PRKCE: variants seen among roughly 807,000 people sequenced by gnomAD.
PRKCE encodes the protein protein kinase C epsilon type.
Under a neutral mutation model 85.4 loss-of-function variants are expected in PRKCE, and 16 were observed. That is an observed-to-expected ratio of 0.19 (90% confidence interval 0.13 to 0.28). PRKCE has a LOEUF of 0.28. Among genes scored for constraint, PRKCE ranks in the 10% least tolerant of loss-of-function variants. The pLI is 1.00. For synonymous variants in PRKCE, 388 were observed against 371.5 expected (o/e 1.04, Z -0.51); for missense variants, 573 against 975.2 (o/e 0.59, Z 5.49).
chr2:46,122,561 A>T (rs1248727639), intron 11 of PRKCE, among the ~76,000 whole-genome samples: 1 of 152,164 alleles, frequency 6.6e-6, no homozygotes, highest in Non-Finnish European at 1.5e-5. Flanking sequence ...GACCTTAGTG[A>T]TGAAATATGT....
At chr2:45,948,694 T>G (rs1366220789) in intron 2 of PRKCE, among the ~76,000 whole-genome samples, 1 of 152,186 alleles carries the variant, frequency 6.6e-6, no homozygotes, top group East Asian at 1.9e-4. Context: ...TCAGAGTCAG[T>G]TCAAGTCTCC....
intron 1 of PRKCE, among the ~76,000 whole-genome samples, chr2:45,729,501 T>G (rs1387430720): frequency 6.6e-6 from 1 of 152,212 alleles, no homozygotes; most frequent in African/African-American, 2.4e-5. Context: ...TTCATTACTT[T>G]CCGATTCCTT....
At chr2:45,677,988 A>G (rs761041844) in intron 1 of PRKCE, 43 of 779,092 alleles carry the variant, frequency 5.5e-5, no homozygotes, top group Middle Eastern at 6.5e-4. Context: ...TTGATTTTAC[A>G]TGGAGCTGAG....
chr2:45,690,486 A>C (rs1023852274), intron 1 of PRKCE, among the ~76,000 whole-genome samples: 3 of 152,186 alleles, frequency 2.0e-5, no homozygotes, highest in Non-Finnish European at 4.4e-5. Context: ...GGCCTCTTGC[A>C]TTGTCAATTT....
At position 45,697,239 on chromosome 2, in the gene PRKCE, G is replaced by A. The variant is rs1216014440; in HGVS notation, c.348+44791G>A. On this transcript the variant is annotated intron_variant, in intron 1 of 14. Transcript: ENST00000306156. This position sits in a 1 kb window ranked among gnomAD's most constrained non-coding sequence, Gnocchi z 4.2. Reference sequence around the variant, plus strand: ...CTGGGAGGGCCTGTGTAGGTGAAGAGGGGGCGCACCCCACTGGCTGGCCTG... The same window carrying A: ...CTGGGAGGGCCTGTGTAGGTGAAGAAGGGGCGCACCCCACTGGCTGGCCTG... Among the ~76,000 whole-genome samples the A allele has an allele frequency of 1.3e-5, 2 of 151,864 alleles. No homozygotes were observed. Among genetic ancestry groups the A allele is most frequent in the Non-Finnish European group, 2.9e-5 (2 of 67,940 alleles).
At chr2:45,834,670 C>T (rs989111572) in intron 1 of PRKCE, among the ~76,000 whole-genome samples, 4 of 152,204 alleles carry the variant, frequency 2.6e-5, no homozygotes, top group South Asian at 2.1e-4. Context: ...CATGAACTTA[C>T]GGTGTGTTGC....
intron 10 of PRKCE, among the ~76,000 whole-genome samples, chr2:46,058,724 CTT>C (rs147805983): frequency 0.037 from 5,674 of 152,270 alleles, 316 homozygotes; most frequent in African/African-American, 0.12. Context: ...GAGACAGGGT[CTT>C]GCTCTGTCAC....
intron 1 of PRKCE, among the ~76,000 whole-genome samples, chr2:45,682,969 G>T (rs1677024344): frequency 6.6e-6 from 1 of 152,192 alleles, no homozygotes; most frequent in Non-Finnish European, 1.5e-5. Flanking sequence ...GTATGTAGTT[G>T]TAAAGTCACC....
intron 2 of PRKCE, among the ~76,000 whole-genome samples, chr2:45,877,416 CTCTT>C (rs1222681207): frequency 6.6e-5 from 10 of 152,076 alleles, no homozygotes; most frequent in African/African-American, 1.9e-4. Context: ...CATCCTCTTA[CTCTT>C]TCTTCTACGT....
intron 2 of PRKCE, among the ~76,000 whole-genome samples, chr2:45,893,138 A>T (rs935138152): frequency 2.0e-5 from 3 of 152,150 alleles, no homozygotes; most frequent in Non-Finnish European, 4.4e-5. Flanking sequence ...GAAAGTTAGG[A>T]AGGGTCAGAG....
rs577688445 is a variant in PRKCE, at chr2:45,821,332, T to G, written c.349-21668T>G. On this transcript the variant is annotated intron_variant, in intron 1 of 14. Transcript: ENST00000306156. ...AGAGACAGACCACCATAGCCTGGAG[T>G]GGACACAAGCAACAAATGTGAATTG... 3.3e-5 allele frequency among the ~76,000 whole-genome samples: 5 copies of G among 152,036 alleles called. No individual in the cohort carries two copies. In the South Asian group the frequency reaches 1.0e-3, roughly 32 times the overall value.
chr2:45,669,999 A>G (rs1676081949), intron 1 of PRKCE, among the ~76,000 whole-genome samples: 3 of 152,196 alleles, frequency 2.0e-5, no homozygotes, highest in Admixed American at 2.0e-4. Context: ...CAACAGAGTG[A>G]GACTCAGTCT....
chr2:46,179,715 C>A (rs1679782161), intron 14 of PRKCE, among the ~76,000 whole-genome samples: 1 of 152,166 alleles, frequency 6.6e-6, no homozygotes, highest in South Asian at 2.1e-4. Context: ...AACTCTAGTG[C>A]CCCAAGTCCT....
chr2:45,934,303 C>G (rs1160927587), intron 2 of PRKCE, among the ~76,000 whole-genome samples: 1 of 152,162 alleles, frequency 6.6e-6, no homozygotes, highest in Non-Finnish European at 1.5e-5. Context: ...AAAAAAGTTT[C>G]TATTAAGACT....
intron 11 of PRKCE, among the ~76,000 whole-genome samples, chr2:46,129,212 G>T (rs56038140): frequency 3.9e-5 from 6 of 152,166 alleles, no homozygotes; most frequent in African/African-American, 1.2e-4. Flanking sequence ...CATCAGCACC[G>T]TCAGTGAGCA....
chr2:45,819,111 T>C (rs1689319616), intron 1 of PRKCE, among the ~76,000 whole-genome samples: 1 of 152,176 alleles, frequency 6.6e-6, no homozygotes, highest in South Asian at 2.1e-4. Flanking sequence ...ACCAGGGAGA[T>C]GCTGCTGCTG....
At chr2:45,674,918 GATGAGAGAC>G (rs1478239753) in intron 1 of PRKCE, 1 of 152,194 alleles carries the variant, frequency 6.6e-6, no homozygotes, top group Non-Finnish European at 1.5e-5. Context: ...CTGGGAAATG[GATGAGAGAC>G]ATGATTATTT....
rs1480223407 is a variant in PRKCE at position 46,014,419 on chromosome 2, A to G, written c.1437+3902A>G. Among the ~76,000 whole-genome samples the G allele has an allele frequency of 3.4e-5, 5 of 148,962 alleles. No individual in the cohort carries two copies. In the East Asian group the frequency reaches 9.6e-4, roughly 29 times the overall value. ...CTTATTTTATAAAGGTAGGGTGCTTATCAGCTTATCAAAATTGGCATAGTC... is the reference window on the plus strand; with the variant it reads ...CTTATTTTATAAAGGTAGGGTGCTTGTCAGCTTATCAAAATTGGCATAGTC... On this transcript the variant is annotated intron_variant, in intron 10 of 14. Transcript: ENST00000306156.
At chr2:46,021,511 C>T (rs1049887074) in intron 10 of PRKCE, among the ~76,000 whole-genome samples, 2 of 152,130 alleles carry the variant, frequency 1.3e-5, no homozygotes, top group Non-Finnish European at 2.9e-5. Context: ...CTGCAAAGGC[C>T]TCCTGCTTGT....
Sources: gnomAD v4.1 joint callset for allele counts (sites outside exome capture counted in the v4.1 genomes callset) on GRCh38, gnomAD v4.1.1 for gene constraint, Gnocchi (gnomAD v3.1) non-coding constraint, MANE v1.5 for transcripts, NCBI Gene and HGNC (gene_info 2026-07-23, HGNC 2026-07-21) for gene names.